PPP2R2B: variants seen among roughly 807,000 people sequenced by gnomAD.
The protein encoded by PPP2R2B is serine/threonine-protein phosphatase 2A 55 kDa regulatory subunit B beta isoform.
In PPP2R2B, 5 loss-of-function variants were observed where a neutral mutation model predicts 46.0. The observed-to-expected ratio is 0.11, with a 90% CI of 0.06 to 0.23. The LOEUF (loss-of-function observed/expected upper bound fraction) is 0.23. PPP2R2B is among the 10% of genes least tolerant of loss of function. PPP2R2B has a pLI of 1.00. For synonymous variants in PPP2R2B, 215 were observed against 206.7 expected (o/e 1.04, Z -0.34); for missense variants, 367 against 575.0 (o/e 0.64, Z 3.70).
chr5:146,855,853 G>A (rs557472524), intron 2 of PPP2R2B, among the ~76,000 whole-genome samples: 13 of 152,244 alleles, frequency 8.5e-5, no homozygotes, highest in Non-Finnish European at 1.3e-4. Flanking sequence ...AAAAAGCCTA[G>A]CAGAAGCCTT....
intron 7 of PPP2R2B, among the ~76,000 whole-genome samples, chr5:146,617,248 G>T (rs747281959): frequency 2.6e-5 from 4 of 152,054 alleles, no homozygotes; most frequent in African/African-American, 9.7e-5. Context: ...GTGGGTTAAT[G>T]GTTAATGGGT....
rs200143467 is a variant in PPP2R2B, at chr5:146,638,348, G to T, written c.693C>A (p.His231Gln). 1 of 1,613,418 alleles carries T rather than the reference G, an allele frequency of 6.2e-7. No individual in the cohort carries two copies. The highest frequency in any genetic ancestry group is 2.2e-5 in the East Asian group (1 of 44,884). ...LTEVITAAEF[H>Q]PHHCNTFVYS... is the part of the protein sequence containing the mutation. Reference sequence around the variant, plus strand: ...ACACGAAGGTGTTGCAATGATGGGGGTGGAACTCGGCTGCTGTGATCACCT... The same window carrying T: ...ACACGAAGGTGTTGCAATGATGGGGTTGGAACTCGGCTGCTGTGATCACCT... The change falls in exon 7 of 10, where the codon CAC becomes CAA. Residue 231 changes from histidine to glutamine, a missense_variant. His to Gln is a conservative substitution (Grantham distance 24). Around this residue, in one of 2 missense-constraint regions of PPP2R2B, gnomAD observed 361 missense variants for 545.5 expected, o/e 0.66. Coordinates refer to ENST00000394411, the MANE Select transcript of PPP2R2B (RefSeq NM_181675.4).
intron 2 of PPP2R2B, among the ~76,000 whole-genome samples, chr5:147,062,244 A>T (rs961751585): frequency 6.6e-6 from 1 of 152,210 alleles, no homozygotes; most frequent in African/African-American, 2.4e-5. Flanking sequence ...AGGCTGTACC[A>T]TCTAGGTTTG....
intron 2 of PPP2R2B, among the ~76,000 whole-genome samples, chr5:147,064,111 A>G (rs1421784867): frequency 1.3e-5 from 2 of 152,182 alleles, no homozygotes; most frequent in African/African-American, 4.8e-5. Flanking sequence ...TGGCCTGCAG[A>G]GTATTGTATT....
intron 7 of PPP2R2B, among the ~76,000 whole-genome samples, chr5:146,631,634 A>G (rs1326097611): frequency 1.3e-5 from 2 of 152,170 alleles, no homozygotes; most frequent in Non-Finnish European, 2.9e-5. Flanking sequence ...TTGAATAGGA[A>G]TCAGGTACCT....
intron 2 of PPP2R2B, among the ~76,000 whole-genome samples, chr5:146,846,333 T>A (rs1310930995): frequency 7.7e-6 from 1 of 130,430 alleles, no homozygotes; most frequent in African/African-American, 2.9e-5. Context: ...GAGCCAAGAT[T>A]GCGCCACCAC....
At chr5:146,840,134 G>T (rs10477311) in intron 2 of PPP2R2B, among the ~76,000 whole-genome samples, 22,915 of 152,160 alleles carry the variant, frequency 0.15, 2,165 homozygotes, top group East Asian at 0.44. Flanking sequence ...ATTTAAAGGA[G>T]CAGCAGTAGT....
chr5:147,034,732 A>G (rs1300854347), intron 1 of PPP2R2B, among the ~76,000 whole-genome samples: 2 of 152,206 alleles, frequency 1.3e-5, no homozygotes, highest in African/African-American at 4.8e-5. Flanking sequence ...TATTTATTAC[A>G]TCAACCCTCT....
rs150418937 is a variant in PPP2R2B, at chr5:146,893,362, C to T, written c.79+162303G>A. 2.6e-4 allele frequency among the ~76,000 whole-genome samples: 39 copies of T among 152,286 alleles called. No homozygotes were observed. The South Asian group carries it at 7.3e-3, about 28-fold the overall frequency. Reference sequence around the variant, plus strand: ...GGTCTACTTTACAGATTAATAAATGCATGGATTAAGAAACCCACTTCTTTT... The same window carrying T: ...GGTCTACTTTACAGATTAATAAATGTATGGATTAAGAAACCCACTTCTTTT... On this transcript the variant is annotated intron_variant, in intron 1 of 8. Transcript: ENST00000336640.
rs181212287 is a variant in PPP2R2B, at chr5:146,872,052, G to A, written c.70+5950C>T. Among the ~76,000 whole-genome samples the A allele has an allele frequency of 2.4e-3, 359 of 152,136 alleles. 1 individual carries two copies. The highest frequency in any genetic ancestry group is 7.9e-3 in the African/African-American group (326 of 41,510). ...CCCCTATTTCTTCTTAAATGCAAAC[G>A]CCAAAGTCTAGGAATGTCAGTCTAC... is the stretch of plus-strand genomic sequence containing the variant. On this transcript the variant is annotated intron_variant, in intron 2 of 9. Coordinates refer to ENST00000394411, the MANE Select transcript of PPP2R2B (RefSeq NM_181675.4).
In PPP2R2B at chr5:146,690,972, C is replaced by T. The variant is rs145237288; in HGVS notation, c.447+156G>A. Among the ~76,000 whole-genome samples, 7 of 152,328 alleles carry T rather than the reference C, an allele frequency of 4.6e-5. No individual in the cohort carries two copies. In the East Asian group the frequency reaches 1.3e-3, roughly 29 times the overall value. Reference sequence around the variant, plus strand: ...AGGCTTGGCACCTTTCCTGCTTCTCCATCTGCCACCAGAGAGAGACTGGGG... The same window carrying T: ...AGGCTTGGCACCTTTCCTGCTTCTCTATCTGCCACCAGAGAGAGACTGGGG... On this transcript the variant is annotated intron_variant, in intron 5 of 9. Coordinates refer to ENST00000394411, the MANE Select transcript of PPP2R2B (RefSeq NM_181675.4).
chr5:146,698,772 A>G (rs1270568975), intron 3 of PPP2R2B, among the ~76,000 whole-genome samples: 1 of 150,680 alleles, frequency 6.6e-6, no homozygotes, highest in African/African-American at 2.5e-5. Flanking sequence ...TCTTTCCAAC[A>G]TGAGTGACAA....
At chr5:146,749,246 A>AT (rs897847715) in intron 2 of PPP2R2B, among the ~76,000 whole-genome samples, 3 of 151,738 alleles carry the variant, frequency 2.0e-5, no homozygotes, top group Admixed American at 6.6e-5. Flanking sequence ...TTCTAATTGC[A>AT]TTTTTTTAAT....
chr5:147,022,904 C>A (rs1755352446), intron 1 of PPP2R2B, among the ~76,000 whole-genome samples: 1 of 150,370 alleles, frequency 6.7e-6, no homozygotes, highest in Non-Finnish European at 1.5e-5. Context: ...AAGAACTTTT[C>A]AAAAAAGAAA....
intron 2 of PPP2R2B, among the ~76,000 whole-genome samples, chr5:146,770,355 A>AAAAAT (rs1368760298): frequency 1.5e-5 from 2 of 132,598 alleles, no homozygotes; most frequent in African/African-American, 5.4e-5. Flanking sequence ...AAAAAAAAAA[A>AAAAAT]GAATGAAGAA....
At chr5:147,042,952 C>G (rs1021984870) in intron 1 of PPP2R2B, among the ~76,000 whole-genome samples, 2 of 151,990 alleles carry the variant, frequency 1.3e-5, no homozygotes, top group Non-Finnish European at 2.9e-5. Context: ...AGCAATGAGT[C>G]CAGTGTGGCT....
At chr5:146,976,167 G>A (rs543069836) in intron 1 of PPP2R2B, among the ~76,000 whole-genome samples, 10 of 149,616 alleles carry the variant, frequency 6.7e-5, no homozygotes, top group Non-Finnish European at 1.2e-4. Flanking sequence ...AGACACAGTC[G>A]TGCTCTGTCT....
At chr5:146,838,522 G>C (rs924069266) in intron 2 of PPP2R2B, among the ~76,000 whole-genome samples, 3 of 146,340 alleles carry the variant, frequency 2.1e-5, no homozygotes, top group African/African-American at 7.7e-5. Flanking sequence ...ACTGAGCTAA[G>C]ATTGTGCCAC....
At chr5:147,011,554 T>C (rs548238423) in intron 1 of PPP2R2B, among the ~76,000 whole-genome samples, 9 of 152,088 alleles carry the variant, frequency 5.9e-5, no homozygotes, top group Non-Finnish European at 8.8e-5. Flanking sequence ...CTTTTCCTAA[T>C]TGAATACCCT....
Sources: allele counts gnomAD v4.1 joint callset (sites outside exome capture counted in the v4.1 genomes callset), GRCh38; gene constraint gnomAD v4.1.1; regional missense constraint gnomAD v4.1.1; transcripts MANE v1.5; gene names NCBI Gene and HGNC (gene_info 2026-07-23, HGNC 2026-07-21).